Variants in KAZN observed in about 807,000 individuals in gnomAD.
KAZN encodes kazrin.
Under a neutral mutation model 87.4 loss-of-function variants are expected in KAZN, and 40 were observed. The observed-to-expected ratio is 0.46, with a 90% CI of 0.36 to 0.60. The LOEUF (loss-of-function observed/expected upper bound fraction) is 0.60. Ranked by LOEUF, KAZN falls within the 20% of genes least tolerant of loss-of-function variation. The pLI is 0.00. For missense variants in KAZN, 898 were observed against 1,073.9 expected, an observed-to-expected ratio of 0.84 and a Z score of 2.29; for synonymous variants, 466 against 458.3, an observed-to-expected ratio of 1.02 and a Z score of -0.22.
chr1:14,106,704 G>T (rs1644381662), intron 1 of KAZN, among the ~76,000 whole-genome samples: 1 of 152,108 alleles, frequency 6.6e-6, no homozygotes, highest in Non-Finnish European at 1.5e-5. Flanking sequence ...TTTTCTTTTG[G>T]TTAAGTAGTA....
chr1:14,025,539 C>G (rs1455736026), intron 1 of KAZN, among the ~76,000 whole-genome samples: 1 of 152,108 alleles, frequency 6.6e-6, no homozygotes, highest in Non-Finnish European at 1.5e-5. Context: ...TGTATTCTAA[C>G]AGGATCTCGG....
In KAZN at chr1:15,061,281, C is replaced by T. The variant is rs575226156; in HGVS notation, c.1047+979C>T. The stretch of plus-strand genomic sequence containing the variant: ...TGCTTGGAAATCAGTGTGTAAAAAT[C>T]AATCACTTTCCTATAGATGAGTCGT... On this transcript the variant is annotated intron_variant, in intron 6 of 14. Coordinates refer to ENST00000376030, the MANE Select transcript of KAZN (RefSeq NM_201628.3). 2.0e-5 allele frequency: 3 copies of T among 152,292 alleles called. No individual in the cohort carries two copies. In the East Asian group the frequency reaches 5.8e-4, roughly 29 times the overall value. The allele number at this position is 152,292 out of a possible 1,614,324, so 9.4% of individuals were successfully genotyped here.
chr1:14,993,329 C>G (rs377313951), intron 2 of KAZN, among the ~76,000 whole-genome samples: 1 of 151,668 alleles, frequency 6.6e-6, no homozygotes, highest in Non-Finnish European at 1.5e-5. Flanking sequence ...ATTAGCCGGG[C>G]GTGGTGGCAG....
intron 2 of KAZN, among the ~76,000 whole-genome samples, chr1:14,497,334 CTAAAAAAAAA>C (rs1239637198): frequency 6.8e-4 from 14 of 20,480 alleles, no homozygotes; most frequent in East Asian, 2.5e-3. Context: ...AATTCTGTTA[CTAAAAAAAAA>C]AAAAAAAAAA....
chr1:14,410,818 G>A (rs116851506), intron 2 of KAZN, among the ~76,000 whole-genome samples: 2,783 of 152,308 alleles, frequency 0.018, 48 homozygotes, highest in East Asian at 0.079. Context: ...GCGGCCACCA[G>A]AACCCGAAAG....
chr1:14,910,720 G>T (rs1283447028), intron 1 of KAZN, among the ~76,000 whole-genome samples: 1 of 152,190 alleles, frequency 6.6e-6, no homozygotes, highest in East Asian at 1.9e-4. Flanking sequence ...AGTGAAGATG[G>T]CCGGCATGCT....
At chr1:14,720,379 G>T (rs111696921) in intron 1 of KAZN, among the ~76,000 whole-genome samples, 5 of 152,124 alleles carry the variant, frequency 3.3e-5, no homozygotes, top group Non-Finnish European at 5.9e-5. Flanking sequence ...CGTCTTTCTT[G>T]GTTGTCAAAT....
chr1:14,761,604 T>G (rs1317168552), intron 1 of KAZN, among the ~76,000 whole-genome samples: 1 of 152,232 alleles, frequency 6.6e-6, no homozygotes, highest in Non-Finnish European at 1.5e-5. Flanking sequence ...CGGAAAACAT[T>G]AGAATTTCAA....
chr1:14,578,064 C>T (rs559279283), intron 2 of KAZN, among the ~76,000 whole-genome samples: 3 of 152,108 alleles, frequency 2.0e-5, no homozygotes, highest in Admixed American at 1.3e-4. Context: ...AGTGCATCTA[C>T]CCCCTACTTG....
intron 2 of KAZN, among the ~76,000 whole-genome samples, chr1:15,020,782 A>G (rs1198286036): frequency 6.6e-6 from 1 of 152,160 alleles, no homozygotes; most frequent in Non-Finnish European, 1.5e-5. Context: ...ACATATACCC[A>G]GGTAGGAACT....
At chr1:14,480,200 T>C (rs1295557124) in intron 2 of KAZN, among the ~76,000 whole-genome samples, 1 of 152,244 alleles carries the variant, frequency 6.6e-6, no homozygotes, top group East Asian at 1.9e-4. Context: ...GCACCTGCCA[T>C]GGAGCAAGGG....
chr1:14,667,456 G>A lies in KAZN; in HGVS notation c.226+68233G>A, dbSNP rs140036895. Among the ~76,000 whole-genome samples, 281 of 152,338 alleles carry A rather than the reference G, an allele frequency of 1.8e-3. 1 individual carries two copies. Among genetic ancestry groups the A allele is most frequent in the Non-Finnish European group, 2.5e-3 (173 of 68,030 alleles). On this transcript the variant is annotated intron_variant, in intron 1 of 14. Coordinates refer to ENST00000376030, the MANE Select transcript of KAZN (RefSeq NM_201628.3). ...TTGAGAAAAATTGTTATTTTAGCAA[G>A]AACACTAGAGGACTGTGCTGTTCTC...
At chr1:13,948,945 G>T (rs1447512723) in intron 1 of KAZN, among the ~76,000 whole-genome samples, 1 of 152,122 alleles carries the variant, frequency 6.6e-6, no homozygotes, top group Non-Finnish European at 1.5e-5. Context: ...GCAAAATCGT[G>T]ACTGGACTCA....
intron 8 of KAZN, among the ~76,000 whole-genome samples, chr1:15,083,857 G>C (rs1640123872): frequency 6.6e-6 from 1 of 152,162 alleles, no homozygotes; most frequent in Admixed American, 6.5e-5. Flanking sequence ...ATGTAACCAA[G>C]CACAGGCGTT....
At chr1:13,969,390 G>A (rs192235719) in intron 1 of KAZN, among the ~76,000 whole-genome samples, 2 of 152,266 alleles carry the variant, frequency 1.3e-5, no homozygotes, top group East Asian at 1.9e-4. Context: ...TGCACATGCT[G>A]ACAGGGAGAA....
At chr1:14,139,974 GTA>G (rs1491122213) in intron 1 of KAZN, among the ~76,000 whole-genome samples, 45,952 of 109,388 alleles carry the variant, frequency 0.42, 7,681 homozygotes, top group East Asian at 0.67. Flanking sequence ...TGTGTGGTAT[GTA>G]TGTGTGTGTG....
intron 8 of KAZN, among the ~76,000 whole-genome samples, chr1:15,088,152 C>T (rs1048793774): frequency 1.3e-5 from 2 of 152,222 alleles, no homozygotes; most frequent in Admixed American, 6.5e-5. Flanking sequence ...AACGTCTCAA[C>T]TCTGCCATTG....
intron 2 of KAZN, among the ~76,000 whole-genome samples, chr1:15,012,671 C>T (rs1669696036): frequency 6.6e-6 from 1 of 152,196 alleles, no homozygotes; most frequent in South Asian, 2.1e-4. Flanking sequence ...CCTGTAATCC[C>T]AGCACTTTAG....
At chr1:14,200,562 A>G (rs1022253790) in intron 2 of KAZN, among the ~76,000 whole-genome samples, 2 of 152,218 alleles carry the variant, frequency 1.3e-5, no homozygotes, top group Non-Finnish European at 2.9e-5. Flanking sequence ...TTGTTTCTGC[A>G]TATGCATATG....
Sources: allele counts gnomAD v4.1 joint callset (sites outside exome capture counted in the v4.1 genomes callset), GRCh38; gene constraint gnomAD v4.1.1; transcripts MANE v1.5; gene names NCBI Gene and HGNC (gene_info 2026-07-23, HGNC 2026-07-21).